The following EXOC6B variants were observed in gnomAD, a reference collection of about 807,000 sequenced individuals.
The protein encoded by EXOC6B is exocyst complex component 6B.
A neutral mutation model predicts 113.5 loss-of-function variants in EXOC6B; 54 were observed. The ratio of observed to expected loss-of-function variants is 0.48; its 90% confidence interval spans 0.38 to 0.60. EXOC6B has a LOEUF of 0.60. EXOC6B is among the 20% of genes least tolerant of loss of function. EXOC6B has a pLI of 0.00. For synonymous variants in EXOC6B, 357 were observed against 339.0 expected (o/e 1.05, Z -0.58); for missense variants, 797 against 977.5 (o/e 0.82, Z 2.46).
intron 20 of EXOC6B, among the ~76,000 whole-genome samples, chr2:72,307,457 A>G (rs1171255994): frequency 1.3e-5 from 2 of 152,054 alleles, no homozygotes; most frequent in Non-Finnish European, 2.9e-5. Flanking sequence ...AACTTGATCC[A>G]TATGGTTCTA....
intron 19 of EXOC6B, among the ~76,000 whole-genome samples, chr2:72,351,959 T>C (rs1296214903): frequency 6.6e-6 from 1 of 152,190 alleles, no homozygotes; most frequent in Non-Finnish European, 1.5e-5. Context: ...TTTAGTCCTC[T>C]AATTTAAGAG....
At chr2:72,600,162 C>T (rs183552384) in intron 6 of EXOC6B, among the ~76,000 whole-genome samples, 95 of 152,144 alleles carry the variant, frequency 6.2e-4, no homozygotes, top group Non-Finnish European at 9.7e-4. Flanking sequence ...TAAAACTGGC[C>T]AGGCACAGTG....
Position 72,730,745 on chromosome 2 carries a change from T to C in EXOC6B, c.464+262A>G, listed in dbSNP as rs373692860. Among the ~76,000 whole-genome samples the C allele has an allele frequency of 1.5e-4, 23 of 152,196 alleles. 2 individuals are homozygous for C. Among genetic ancestry groups the C allele is most frequent in the African/African-American group, 4.6e-4 (19 of 41,530 alleles). Reference sequence around the variant, plus strand: ...TATCTCAAACCAACTATCACTAAAATAGGTATATGCTTTTCCCTAAAAGAC... The same window carrying C: ...TATCTCAAACCAACTATCACTAAAACAGGTATATGCTTTTCCCTAAAAGAC... On this transcript the variant is annotated intron_variant, in intron 5 of 21. Transcript: ENST00000272427.
At chr2:72,646,613 G>C (rs555240828) in intron 6 of EXOC6B, among the ~76,000 whole-genome samples, 1 of 151,824 alleles carries the variant, frequency 6.6e-6, no homozygotes, top group Non-Finnish European at 1.5e-5. Context: ...CAATCAAGTC[G>C]GCTTCATCCC....
chr2:72,209,223 CAAAA>C (rs1170760516), intron 20 of EXOC6B, among the ~76,000 whole-genome samples: 11,420 of 56,098 alleles, frequency 0.2, 399 homozygotes, highest in African/African-American at 0.3. Flanking sequence ...AACTCAGTCT[CAAAA>C]AAAAAAAAAA....
intron 20 of EXOC6B, among the ~76,000 whole-genome samples, chr2:72,250,973 G>T (rs923161149): frequency 6.6e-6 from 1 of 151,686 alleles, no homozygotes; most frequent in African/African-American, 2.4e-5. Flanking sequence ...GAGTAGCTGG[G>T]TTAGTTGAGT....
intron 1 of EXOC6B, among the ~76,000 whole-genome samples, chr2:72,780,615 G>A (rs1308924623): frequency 6.6e-6 from 1 of 152,058 alleles, no homozygotes; most frequent in Non-Finnish European, 1.5e-5. Context: ...CACTACACAC[G>A]GCAGATTAGG....
At chr2:72,367,749 TG>T (rs1690723815) in intron 19 of EXOC6B, among the ~76,000 whole-genome samples, 1 of 152,102 alleles carries the variant, frequency 6.6e-6, no homozygotes, top group African/African-American at 2.4e-5. Context: ...GTGCAGCAAC[TG>T]GGGGACTTTA....
chr2:72,214,899 G>A (rs1288443690), intron 20 of EXOC6B, among the ~76,000 whole-genome samples: 2 of 152,204 alleles, frequency 1.3e-5, no homozygotes, highest in Non-Finnish European at 2.9e-5. Flanking sequence ...TGAGGTCATT[G>A]TTAATGGGAG....
chr2:72,747,401 A>G (rs1266981859), intron 1 of EXOC6B, among the ~76,000 whole-genome samples: 3 of 151,998 alleles, frequency 2.0e-5, no homozygotes, highest in Non-Finnish European at 4.4e-5. Flanking sequence ...GTGAAAGCAT[A>G]ATGTTTGAGG....
chr2:72,565,486 A>T (rs756392741), intron 7 of EXOC6B, among the ~76,000 whole-genome samples: 2 of 151,868 alleles, frequency 1.3e-5, no homozygotes, highest in Admixed American at 1.3e-4. Context: ...ACTACTTGGT[A>T]TTAAACGTAA....
At chr2:72,222,941 T>A (rs1394192429) in intron 20 of EXOC6B, among the ~76,000 whole-genome samples, 1 of 152,210 alleles carries the variant, frequency 6.6e-6, no homozygotes, top group Non-Finnish European at 1.5e-5. Flanking sequence ...GTTTGCAATA[T>A]ACTCACTCTC....
intron 1 of EXOC6B, among the ~76,000 whole-genome samples, chr2:72,809,169 CAG>C (rs907628672): frequency 6.6e-5 from 10 of 151,828 alleles, no homozygotes; most frequent in African/African-American, 2.2e-4. Context: ...AAAAAGAAAA[CAG>C]AAACAAAAAA....
chr2:72,765,299 A>T (rs1417262428), intron 1 of EXOC6B, among the ~76,000 whole-genome samples: 2 of 152,198 alleles, frequency 1.3e-5, no homozygotes, highest in South Asian at 2.1e-4. Context: ...AAAAAAATTT[A>T]AAATAAAAAT....
At chr2:72,473,597 A>G (rs912716362) in intron 17 of EXOC6B, among the ~76,000 whole-genome samples, 5 of 152,102 alleles carry the variant, frequency 3.3e-5, no homozygotes, top group African/African-American at 1.2e-4. Context: ...TAGGCAGCAT[A>G]TGGCTAGATC....
chr2:72,504,000 C>T (rs920590450), intron 11 of EXOC6B, among the ~76,000 whole-genome samples: 13 of 152,054 alleles, frequency 8.5e-5, no homozygotes, highest in East Asian at 3.9e-4. Flanking sequence ...CTCAGGTTCC[C>T]GGGATCAAGA....
intron 6 of EXOC6B, among the ~76,000 whole-genome samples, chr2:72,660,688 CTAAA>C (rs1374637895): frequency 6.6e-6 from 1 of 152,056 alleles, no homozygotes; most frequent in Non-Finnish European, 1.5e-5. Context: ...TGAAACTTCT[CTAAA>C]TAGTTATAAA....
At chr2:72,358,027 T>A (rs1690073982) in intron 19 of EXOC6B, among the ~76,000 whole-genome samples, 1 of 152,182 alleles carries the variant, frequency 6.6e-6, no homozygotes. Context: ...ATCCACAGTT[T>A]CAGGCATCCA....
At chr2:72,390,413 T>G (rs886080120) in intron 18 of EXOC6B, among the ~76,000 whole-genome samples, 5 of 152,220 alleles carry the variant, frequency 3.3e-5, no homozygotes, top group Admixed American at 6.5e-5. Context: ...TTATATGGAC[T>G]GATTTTCTTC....
Sources: allele counts gnomAD v4.1 joint callset (sites outside exome capture counted in the v4.1 genomes callset), GRCh38; gene constraint gnomAD v4.1.1; transcripts MANE v1.5; gene names NCBI Gene and HGNC (gene_info 2026-07-23, HGNC 2026-07-21).